GPR137C: variants seen among roughly 807,000 people sequenced by gnomAD.
The protein encoded by GPR137C is integral membrane protein GPR137C.
GPR137C carries 27 observed loss-of-function variants against 43.4 expected under a neutral mutation model. That is an observed-to-expected ratio of 0.62 (90% CI 0.46 to 0.86). The LOEUF is 0.86. GPR137C is among the 40% of genes least tolerant of loss of function. The pLI is 0.00. For synonymous variants in GPR137C, 285 were observed against 226.9 expected (o/e 1.26, Z -2.30); for missense variants, 522 against 534.6 (o/e 0.98, Z 0.23).
intron 3 of GPR137C, among the ~76,000 whole-genome samples, chr14:52,630,310 AGCAGTGCATATAAACTTTT>A (rs1389615964): frequency 6.6e-6 from 1 of 152,140 alleles, no homozygotes; most frequent in Non-Finnish European, 1.5e-5. Flanking sequence ...TATTTCCCAA[AGCAGTGCATATAAACTTTT>A]GCAGTTATTT....
chr14:52,615,538 A>G (rs184656811), intron 3 of GPR137C, among the ~76,000 whole-genome samples: 5 of 148,532 alleles, frequency 3.4e-5, no homozygotes, highest in Non-Finnish European at 7.4e-5. Context: ...TTGAATCTGT[A>G]GATTGCTTTG....
chr14:52,628,988 A>G lies in GPR137C; in HGVS notation c.718-3172A>G, dbSNP rs190972819. ...GGAAGTGGTCAAAAGATTTGAATAG[A>G]TTCTTCACAAAGAAGATATACAAAT... On this transcript the variant is annotated intron_variant, in intron 3 of 6. Transcript: ENST00000321662. Among the ~76,000 whole-genome samples, 12 of 152,334 alleles carry G rather than the reference A, an allele frequency of 7.9e-5. 1 individual carries two copies. The highest frequency in any genetic ancestry group is 6.2e-4 in the South Asian group (3 of 4,832).
At chr14:52,580,967 G>C (rs919567042) in intron 1 of GPR137C, among the ~76,000 whole-genome samples, 1 of 150,826 alleles carries the variant, frequency 6.6e-6, no homozygotes, top group Non-Finnish European at 1.5e-5. Flanking sequence ...GGGAGGCTGA[G>C]ACAGGTGGAT....
At chr14:52,613,761 C>T in intron 3 of GPR137C, 1 of 200,328 alleles carries the variant, frequency 5.0e-6, no homozygotes, top group South Asian at 7.3e-5. Flanking sequence ...TTGATGGACA[C>T]TTAGGTTGCT....
chr14:52,625,081 A>T (rs1406129727), intron 3 of GPR137C, among the ~76,000 whole-genome samples: 2 of 152,226 alleles, frequency 1.3e-5, no homozygotes, highest in African/African-American at 4.8e-5. Flanking sequence ...TAAAGAAATT[A>T]AAGTTATTAT....
rs1020342836 is a variant in GPR137C at position 52,636,859 on chromosome 14, G to A, written c.*1744G>A. 5.3e-5 allele frequency: 8 copies of A among 152,050 alleles called. No homozygotes were observed. The highest frequency in any genetic ancestry group is 7.4e-5 in the Non-Finnish European group (5 of 67,972). The allele number at this position is 152,050 out of a possible 1,614,324, so 9.4% of individuals were successfully genotyped here. A position where few individuals can be genotyped will look rare whatever the true frequency, so the allele number is the denominator to read the frequency against. ...ACCCGTGGTATTAAGTGACAAAAGC[G>A]TACTTTTATTACAACTCCAGTTGTT... On this transcript the variant is annotated 3_prime_UTR_variant, in exon 7 of 7. Transcript: ENST00000321662.
rs368348208 is a variant in GPR137C at position 52,553,456 on chromosome 14, C to G, written c.309C>G (p.Ala103=). ...AALRTTLFSA[A]FSLSGSLPLL... is the part of the protein sequence containing the mutation. Reference sequence around the variant, plus strand: ...TCAGGACCACCCTCTTCTCCGCCGCCTTCTCGCTCAGCGGCTCCCTGCCCT... The same window carrying G: ...TCAGGACCACCCTCTTCTCCGCCGCGTTCTCGCTCAGCGGCTCCCTGCCCT... The change falls in exon 1 of 7, where the codon GCC becomes GCG. Residue 103 remains alanine (A), a synonymous_variant. Transcript: ENST00000321662. 2.5e-6 allele frequency: 4 copies of G among 1,608,982 alleles called. No individual in the cohort carries two copies. Among genetic ancestry groups the G allele is most frequent in the Non-Finnish European group, 2.5e-6 (3 of 1,179,798 alleles).
chr14:52,615,467 GT>G (rs200188827), intron 3 of GPR137C, among the ~76,000 whole-genome samples: 54 of 140,378 alleles, frequency 3.8e-4, no homozygotes, highest in Non-Finnish European at 4.8e-4. Flanking sequence ...ACATTTTAGG[GT>G]TTTTTTTTTT....
chr14:52,577,799 C>CAAAA (rs564080315), intron 1 of GPR137C, among the ~76,000 whole-genome samples: 9,058 of 104,002 alleles, frequency 0.087, 375 homozygotes, highest in South Asian at 0.14. Flanking sequence ...ACCATCTCTA[C>CAAAA]AAAAAAAAAA....
intron 3 of GPR137C, among the ~76,000 whole-genome samples, chr14:52,629,968 C>T (rs902521642): frequency 6.6e-6 from 1 of 152,098 alleles, no homozygotes; most frequent in Non-Finnish European, 1.5e-5. Context: ...GAAAATCATT[C>T]CTTGAGAATT....
intron 3 of GPR137C, 29 bp downstream of exon 3, chr14:52,600,370 A>C: frequency 8.1e-7 from 1 of 1,237,484 alleles, no homozygotes; most frequent in Non-Finnish European, 1.2e-6. Context: ...TTGGCACTTG[A>C]AAATCTAATT....
At chr14:52,579,314 AATACCCAG>A (rs2038610101) in intron 1 of GPR137C, among the ~76,000 whole-genome samples, 1 of 152,148 alleles carries the variant, frequency 6.6e-6, no homozygotes, top group Non-Finnish European at 1.5e-5. Flanking sequence ...CCAGAGAATA[AATACCCAG>A]ATATCTGCCA....
chr14:52,560,765 G>C (rs1172352777), intron 1 of GPR137C, among the ~76,000 whole-genome samples: 1 of 152,162 alleles, frequency 6.6e-6, no homozygotes, highest in Non-Finnish European at 1.5e-5. Context: ...ATAGATCATA[G>C]ACCTAACTGT....
intron 3 of GPR137C, among the ~76,000 whole-genome samples, chr14:52,631,662 G>A (rs1370519501): frequency 6.6e-6 from 1 of 152,020 alleles, no homozygotes; most frequent in African/African-American, 2.4e-5. Flanking sequence ...CAGAACATTT[G>A]CCATCAACAC....
At chr14:52,623,035 A>T (rs890935242) in intron 3 of GPR137C, among the ~76,000 whole-genome samples, 1 of 152,158 alleles carries the variant, frequency 6.6e-6, no homozygotes, top group Non-Finnish European at 1.5e-5. Context: ...TTGGCCCAGG[A>T]TAAACAATCA....
intron 1 of GPR137C, among the ~76,000 whole-genome samples, chr14:52,583,125 A>G (rs1475660935): frequency 6.6e-6 from 1 of 152,202 alleles, no homozygotes; most frequent in Non-Finnish European, 1.5e-5. Context: ...GATACAGCCC[A>G]TCTGACTTAA....
chr14:52,569,945 G>T (rs941082917), intron 1 of GPR137C, among the ~76,000 whole-genome samples: 1 of 151,982 alleles, frequency 6.6e-6, no homozygotes, highest in Non-Finnish European at 1.5e-5. Context: ...CCACGAGAAC[G>T]TCCCTAACCT....
At position 52,602,946 on chromosome 14, in the gene GPR137C, A is replaced by G. The variant is rs531622678; in HGVS notation, c.717+2605A>G. On this transcript the variant is annotated intron_variant, in intron 3 of 6. Transcript: ENST00000321662. ...GGATATCATCACCTCAAACATTTAT[A>G]TTTTTGTATTGGAACATTACAGTTC... Among the ~76,000 whole-genome samples, 7 of 152,262 alleles carry G rather than the reference A, an allele frequency of 4.6e-5. No individual in the cohort carries two copies. In the East Asian group the frequency reaches 1.2e-3, roughly 25 times the overall value.
intron 1 of GPR137C, among the ~76,000 whole-genome samples, chr14:52,582,817 A>C: frequency 6.6e-6 from 1 of 152,330 alleles, no homozygotes; most frequent in East Asian, 1.9e-4. Context: ...ATAATTAAAA[A>C]TAATAAAATG....
Sources: allele counts gnomAD v4.1 joint callset (sites outside exome capture counted in the v4.1 genomes callset), GRCh38; gene constraint gnomAD v4.1.1; transcripts MANE v1.5; gene names NCBI Gene and HGNC (gene_info 2026-07-23, HGNC 2026-07-21).